TMEM87A: variants seen among roughly 807,000 people sequenced by gnomAD.
TMEM87A encodes the protein Golgi-pH regulating cation channel.
TMEM87A carries 50 observed loss-of-function variants against 90.0 expected under a neutral mutation model. That is an observed-to-expected ratio of 0.56 (90% CI 0.44 to 0.70). The LOEUF (loss-of-function observed/expected upper bound fraction) is 0.70. Among genes scored for constraint, TMEM87A ranks in the 30% least tolerant of loss-of-function variants. TMEM87A has a pLI of 0.00. For synonymous variants in TMEM87A, 226 were observed against 226.7 expected (o/e 1.00, Z 0.03); for missense variants, 577 against 660.5 (o/e 0.87, Z 1.39).
At chr15:42,240,969 T>A (rs941201504) in intron 7 of TMEM87A, among the ~76,000 whole-genome samples, 2 of 152,246 alleles carry the variant, frequency 1.3e-5, no homozygotes, top group African/African-American at 4.8e-5. Flanking sequence ...ATATAGCACA[T>A]GGGCCAAATC....
At chr15:42,234,332 T>C (rs945127652) in intron 10 of TMEM87A, among the ~76,000 whole-genome samples, 1 of 152,182 alleles carries the variant, frequency 6.6e-6, no homozygotes, top group Non-Finnish European at 1.5e-5. Context: ...GATTCCTTAG[T>C]GTAGTGTAGT....
chr15:42,258,394 T>C (rs1186193265), intron 6 of TMEM87A: 1 of 671,950 alleles, frequency 1.5e-6, no homozygotes, highest in Non-Finnish European at 1.8e-6. Context: ...ACAGTGAATA[T>C]ATACCTATTA....
At chr15:42,252,811 T>TA (rs144996785) in intron 6 of TMEM87A, among the ~76,000 whole-genome samples, 31,691 of 151,928 alleles carry the variant, frequency 0.21, 4,073 homozygotes, top group African/African-American at 0.35. Flanking sequence ...AAAGCATGTA[T>TA]TTTTTTTAAT....
intron 6 of TMEM87A, among the ~76,000 whole-genome samples, chr15:42,254,690 A>T (rs1346259191): frequency 1.3e-5 from 2 of 152,346 alleles, no homozygotes; most frequent in African/African-American, 2.4e-5. Flanking sequence ...AATGATTGCC[A>T]GGAGTTGAAG....
At chr15:42,255,421 C>A (rs751928011) in intron 6 of TMEM87A, among the ~76,000 whole-genome samples, 1 of 151,988 alleles carries the variant, frequency 6.6e-6, no homozygotes, top group Non-Finnish European at 1.5e-5. Context: ...TGTGAGCCAC[C>A]GCACCCGGCC....
rs2050836679 is a variant in TMEM87A, at chr15:42,239,716, T to C, written c.638A>G (p.Lys213Arg). 2 of 1,613,732 alleles carry C rather than the reference T, an allele frequency of 1.2e-6. No individual in the cohort carries two copies. Among genetic ancestry groups the C allele is most frequent in the Admixed American group, 1.7e-5 (1 of 59,992 alleles). Reference protein sequence around the residue: ...SNLFTMTVEVKGPYEYLTLED... With the variant: ...SNLFTMTVEVRGPYEYLTLED... ...AAGTGTGAGGTATTCATAGGGACCC[T>C]TCACTTCAACAGTCACTGCCAAAAC... is the stretch of plus-strand genomic sequence containing the variant. The change falls in exon 8 of 20, where the codon AAG becomes AGG. Residue 213 changes from lysine (K) to arginine (R), a missense_variant. Physicochemically the swap from Lys to Arg is conservative, Grantham distance 26. Coordinates refer to ENST00000389834, the MANE Select transcript of TMEM87A (RefSeq NM_015497.5).
At chr15:42,244,027 A>AT (rs747493511) in intron 7 of TMEM87A, 23 bp downstream of exon 7, 477 of 1,407,894 alleles carry the variant, frequency 3.4e-4, no homozygotes, top group Non-Finnish European at 4.4e-4. Context: ...TAACATAACC[A>AT]TTAAAAAAAA....
At chr15:42,261,552 C>T (rs2051292354) in intron 4 of TMEM87A, among the ~76,000 whole-genome samples, 1 of 152,050 alleles carries the variant, frequency 6.6e-6, no homozygotes, top group African/African-American at 2.4e-5. Context: ...AAGCTTAGAT[C>T]ATTTCCCCTC....
In TMEM87A at chr15:42,226,874, C is replaced by T; in HGVS notation, c.1335G>A (p.Trp445Ter). The T allele has an allele frequency of 6.2e-7, 1 of 1,614,124 alleles. No individual in the cohort carries two copies. The highest frequency in any genetic ancestry group is 8.5e-7 in the Non-Finnish European group (1 of 1,180,048). The stretch of plus-strand genomic sequence containing the variant: ...AGAGGATCATGGAGAACAGCAAGCG[C>T]CAGATGGCATCGTCTACCCACAGCT... ...WRELWVDDAI[W>*]RLLFSMILFV... The change falls in exon 15 of 20, where the codon TGG becomes TGA. Residue 445 changes from tryptophan (W) to a stop codon, truncating the protein, a stop_gained. Coordinates refer to ENST00000389834, the MANE Select transcript of TMEM87A (RefSeq NM_015497.5). LOFTEE classifies it high-confidence loss of function.
chr15:42,256,619 C>T (rs1297643839), intron 6 of TMEM87A, among the ~76,000 whole-genome samples: 3 of 152,154 alleles, frequency 2.0e-5, no homozygotes, highest in African/African-American at 7.2e-5. Flanking sequence ...AAGACTCAAG[C>T]CTTGAGTAGA....
chr15:42,218,543 T>C (rs560308366), intron 17 of TMEM87A, among the ~76,000 whole-genome samples, 165 bp from the exon 18 acceptor site: 9 of 152,230 alleles, frequency 5.9e-5, no homozygotes, highest in Non-Finnish European at 4.4e-5. Flanking sequence ...AAAACATTTT[T>C]AAAAATCCCT....
intron 6 of TMEM87A, chr15:42,257,997 T>C: frequency 1.0e-6 from 1 of 974,628 alleles, no homozygotes; most frequent in East Asian, 1.1e-4. Flanking sequence ...CTTATCCCAA[T>C]ATACAATTCT....
intron 4 of TMEM87A, among the ~76,000 whole-genome samples, chr15:42,262,875 A>G (rs888859160): frequency 6.6e-6 from 1 of 152,178 alleles, no homozygotes; most frequent in Admixed American, 6.5e-5. Flanking sequence ...CACATATAAA[A>G]TTTTTCTATC....
upstream of TMEM87A, chr15:42,273,547 AG>A: frequency 7.3e-7 from 1 of 1,368,864 alleles, no homozygotes; most frequent in Non-Finnish European, 9.8e-7. Flanking sequence ...CCCCTCTCTC[AG>A]ACAGTCGTCT....
chr15:42,268,012 G>A lies in TMEM87A; in HGVS notation c.226C>T (p.Leu76=), dbSNP rs1439906349. ...AGATACCAGGTTATATTCAAAGACAGGTCACAAGGTTCTCCATCAACTACA... is the reference window on the plus strand; with the variant it reads ...AGATACCAGGTTATATTCAAAGACAAGTCACAAGGTTCTCCATCAACTACA... ...FLKFDGEPCD[L]SLNITWYLKS... is the part of the protein sequence containing the mutation. The change falls in exon 3 of 20, where the codon CTG becomes TTG. Residue 76 remains leucine, a synonymous_variant. Transcript: ENST00000389834. 6.2e-7 allele frequency: 1 copy of A among 1,612,570 alleles called. No homozygotes were observed. The highest frequency in any genetic ancestry group is 2.2e-5 in the East Asian group (1 of 44,774).
intron 14 of TMEM87A, 126 bp from the exon 15 acceptor site, chr15:42,227,035 C>T (rs1332411104): frequency 1.9e-5 from 16 of 848,580 alleles, no homozygotes; most frequent in South Asian, 1.1e-4. Flanking sequence ...GAGCCTGCTA[C>T]GTGCTCAGTA....
chr15:42,225,531 A>G (rs757057486), intron 15 of TMEM87A, among the ~76,000 whole-genome samples: 2 of 152,102 alleles, frequency 1.3e-5, no homozygotes, highest in Non-Finnish European at 2.9e-5. Context: ...TAAGTGATAC[A>G]ATTATATCTT....
At chr15:42,262,438 CTTTTTT>C (rs146641481) in intron 4 of TMEM87A, among the ~76,000 whole-genome samples, 10 of 125,880 alleles carry the variant, frequency 7.9e-5, no homozygotes, top group East Asian at 2.3e-4. Context: ...TCAATTATCC[CTTTTTT>C]TTTTTTTTTT....
chr15:42,254,443 T>C (rs868363891), intron 6 of TMEM87A, among the ~76,000 whole-genome samples: 2 of 152,242 alleles, frequency 1.3e-5, no homozygotes, highest in Non-Finnish European at 2.9e-5. Flanking sequence ...TTGTTATAAC[T>C]TGAAAGCAAT....
Sources: gnomAD v4.1 joint callset for allele counts (sites outside exome capture counted in the v4.1 genomes callset) on GRCh38, gnomAD v4.1.1 for gene constraint, MANE v1.5 for transcripts, NCBI Gene and HGNC (gene_info 2026-07-23, HGNC 2026-07-21) for gene names.